The following MECOM variants were observed in gnomAD, a reference collection of about 807,000 sequenced individuals.
MECOM encodes the protein MDS1 and EVI1 complex locus.
In MECOM, 13 loss-of-function variants were observed where a neutral mutation model predicts 116.3. That is an observed-to-expected ratio of 0.11 (90% CI 0.07 to 0.18). The LOEUF is 0.18. Ranked by LOEUF, MECOM falls within the 10% of genes least tolerant of loss-of-function variation. MECOM has a pLI of 1.00. For synonymous variants in MECOM, 528 were observed against 535.2 expected, an observed-to-expected ratio of 0.99 and a Z score of 0.19; for missense variants, 1,299 against 1,509.0, an observed-to-expected ratio of 0.86 and a Z score of 2.31.
At chr3:169,327,639 CAAAAAAAAA>C (rs771134017) in intron 2 of MECOM, among the ~76,000 whole-genome samples, 10 of 69,548 alleles carry the variant, frequency 1.4e-4, no homozygotes, top group South Asian at 1.0e-3. Context: ...GACTGTGTCT[CAAAAAAAAA>C]AAAAAAAAAG....
chr3:169,257,101 T>A (rs982597425), intron 2 of MECOM, among the ~76,000 whole-genome samples: 3 of 152,182 alleles, frequency 2.0e-5, no homozygotes, highest in Non-Finnish European at 4.4e-5. Context: ...TGTAGTTTTT[T>A]AAAAATTCAA....
chr3:169,526,671 AT>A (rs1330478587), intron 1 of MECOM, among the ~76,000 whole-genome samples: 7 of 150,830 alleles, frequency 4.6e-5, no homozygotes, highest in Non-Finnish European at 7.4e-5. Context: ...TCTGTACCCT[AT>A]TTTTTTTTAA....
chr3:169,452,273 A>C (rs1288874358), intron 1 of MECOM, among the ~76,000 whole-genome samples: 1 of 152,064 alleles, frequency 6.6e-6, no homozygotes, highest in Admixed American at 6.6e-5. Context: ...TAGGAAACAC[A>C]CGCCTTTCCC....
chr3:169,433,651 A>AAGAAAGAAAGAAAGAAAG (rs1742076780), intron 1 of MECOM, among the ~76,000 whole-genome samples: 2 of 124,462 alleles, frequency 1.6e-5, no homozygotes, highest in Non-Finnish European at 3.3e-5. Context: ...GAAAGAAAGA[A>AAGAAAGAAAGAAAGAAAG]AGAAAGAAAG....
At chr3:169,469,742 C>A (rs919753842) in intron 1 of MECOM, among the ~76,000 whole-genome samples, 2 of 152,078 alleles carry the variant, frequency 1.3e-5, no homozygotes, top group African/African-American at 4.8e-5. Flanking sequence ...ATGAAATAGA[C>A]AAAGTGGGTA....
intron 2 of MECOM, among the ~76,000 whole-genome samples, chr3:169,265,359 A>G (rs1305052847): frequency 2.0e-5 from 3 of 152,044 alleles, no homozygotes; most frequent in African/African-American, 7.2e-5. Flanking sequence ...CTCCAAAGAA[A>G]CTCCATTACT....
chr3:169,508,410 C>CA (rs60226399), intron 1 of MECOM, among the ~76,000 whole-genome samples: 24,847 of 141,176 alleles, frequency 0.18, 2,187 homozygotes, highest in East Asian at 0.34. Flanking sequence ...GGTGGGAGTG[C>CA]AAAAAAAAAA....
chr3:169,643,528 T>A (rs758378285), intron 1 of MECOM, among the ~76,000 whole-genome samples: 2 of 152,212 alleles, frequency 1.3e-5, no homozygotes, highest in African/African-American at 4.8e-5. Context: ...AAAGTGTGAA[T>A]GAGCACAAAC....
At chr3:169,587,003 T>C (rs1765853965) in intron 1 of MECOM, among the ~76,000 whole-genome samples, 1 of 152,208 alleles carries the variant, frequency 6.6e-6, no homozygotes, top group South Asian at 2.1e-4. Context: ...ACCTTACATG[T>C]ACTAACTCAT....
intron 2 of MECOM, among the ~76,000 whole-genome samples, chr3:169,296,512 A>G (rs111330470): frequency 8.9e-4 from 135 of 152,324 alleles, no homozygotes; most frequent in African/African-American, 3.2e-3. Flanking sequence ...TTTGTAGACC[A>G]TCAGTAAACT....
In MECOM at chr3:169,190,991, G is replaced by A. The variant is rs1032317973; in HGVS notation, c.376-47159C>T. On this transcript the variant is annotated intron_variant, in intron 2 of 16. Coordinates refer to ENST00000651503, the MANE Select transcript of MECOM (RefSeq NM_004991.4). ...GAGTAGGCAATTTTACCCATAGAAA[G>A]GCTGGCATTTGGTGCACTGTTTCAG... 3.9e-5 allele frequency among the ~76,000 whole-genome samples: 6 copies of A among 152,034 alleles called. No individual in the cohort carries two copies. In the South Asian group the frequency reaches 1.0e-3, roughly 26 times the overall value.
rs1746246369 is a variant in MECOM, at chr3:169,183,447, T to A, written c.376-39615A>T. 2.6e-5 allele frequency among the ~76,000 whole-genome samples: 4 copies of A among 152,142 alleles called. No homozygotes were observed. In the South Asian group the frequency reaches 6.2e-4, roughly 24 times the overall value. ...GATCCCTATCTCTTTGACTTTAGAT[T>A]TCCCCCTTCTTACCCAACCTGCACT... On this transcript the variant is annotated intron_variant, in intron 2 of 16. Coordinates refer to ENST00000651503, the MANE Select transcript of MECOM (RefSeq NM_004991.4).
Position 169,115,523 on chromosome 3 carries a change from G to T in MECOM, c.2349C>A (p.Ala783=). Residue 783 remains alanine (A), a synonymous_variant, in exon 8 of 17, where the codon GCC becomes GCA. Coordinates refer to ENST00000651503, the MANE Select transcript of MECOM (RefSeq NM_004991.4). ...GAGGCTCAGTCAGCTTTGTCCCACT[G>T]GCTCTACTCCTACTGCCCATACTTA... ...LDLSMGSRSR[A]SGTKLTEPRK... The T allele has an allele frequency of 3.7e-6, 6 of 1,614,092 alleles. No individual in the cohort carries two copies. The South Asian group carries it at 6.6e-5, about 18-fold the overall frequency.
At chr3:169,370,678 GC>G (rs760825955) in intron 2 of MECOM, among the ~76,000 whole-genome samples, 1 of 151,494 alleles carries the variant, frequency 6.6e-6, no homozygotes, top group Non-Finnish European at 1.5e-5. Flanking sequence ...CAACTCAATA[GC>G]AAAAAACATT....
In MECOM at chr3:169,089,072, C is replaced by T. The variant is rs555517908; in HGVS notation, c.3513G>A (p.Glu1171=). 1.7e-5 allele frequency: 28 copies of T among 1,610,766 alleles called. No homozygotes were observed. The South Asian group carries it at 2.8e-4, about 16-fold the overall frequency. ...KMEDNQYSEA[E]LSSFSTSHVP... ...CATGGGAAGTACTAAAAGAAGACAG[C>T]TCAGCTTCAGAATATTGATTATCTT... The change falls in exon 16 of 17, where the codon GAG becomes GAA. Residue 1171 remains glutamate (E), a synonymous_variant. Transcript: ENST00000651503.
chr3:169,479,947 T>G (rs1751040722), intron 1 of MECOM, among the ~76,000 whole-genome samples: 3 of 152,176 alleles, frequency 2.0e-5, no homozygotes, highest in Non-Finnish European at 4.4e-5. Context: ...ACAGAGTAAG[T>G]AAATTGTCCA....
At chr3:169,582,940 T>C (rs759800869) in intron 1 of MECOM, among the ~76,000 whole-genome samples, 4 of 152,364 alleles carry the variant, frequency 2.6e-5, no homozygotes, top group African/African-American at 9.6e-5. Context: ...AAATATCATG[T>C]GTTCCCAAAC....
intron 1 of MECOM, among the ~76,000 whole-genome samples, chr3:169,623,210 T>C (rs1577155470): frequency 6.6e-6 from 1 of 152,330 alleles, no homozygotes. Context: ...GTAATCTGCA[T>C]ATAAACCCAA....
chr3:169,362,056 C>T (rs573623646), intron 2 of MECOM, among the ~76,000 whole-genome samples: 9 of 151,860 alleles, frequency 5.9e-5, no homozygotes, highest in East Asian at 3.9e-4. Context: ...TAGTTTCACA[C>T]GGGAGAAATG....
Sources: allele counts gnomAD v4.1 joint callset (sites outside exome capture counted in the v4.1 genomes callset), GRCh38; gene constraint gnomAD v4.1.1; transcripts MANE v1.5; gene names NCBI Gene and HGNC (gene_info 2026-07-23, HGNC 2026-07-21).